The following ARHGAP45 variants were observed in gnomAD, a reference collection of about 807,000 sequenced individuals.
The protein encoded by ARHGAP45 is Rho GTPase activating protein 45.
In ARHGAP45, 56 loss-of-function variants were observed where a neutral mutation model predicts 116.1. The observed-to-expected ratio is 0.48, with a 90% CI of 0.39 to 0.60. The LOEUF is 0.60. Among genes scored for constraint, ARHGAP45 ranks in the 20% least tolerant of loss-of-function variants. ARHGAP45 has a pLI of 0.00. For synonymous variants in ARHGAP45, 866 were observed against 701.7 expected (o/e 1.23, Z -3.70); for missense variants, 1,622 against 1,601.0 (o/e 1.01, Z -0.22).
At position 1,077,486 on chromosome 19, in the gene ARHGAP45, C is replaced by T. The variant is rs144117844; in HGVS notation, c.1186-371C>T. ...TCGCCTCCTGGGTTCAAGCTGTTCGCGATTCTAGTGCCTCAGCCTCCCGAG... is the reference window on the plus strand; with the variant it reads ...TCGCCTCCTGGGTTCAAGCTGTTCGTGATTCTAGTGCCTCAGCCTCCCGAG... On this transcript the variant is annotated intron_variant, in intron 10 of 22. Coordinates refer to ENST00000313093, the MANE Select transcript of ARHGAP45 (RefSeq NM_012292.5). 3.2e-4 allele frequency: 317 copies of T among 996,036 alleles called. 2 individuals are homozygous for T. The South Asian group carries it at 4.0e-3, about 13-fold the overall frequency. The allele number at this position is 996,036 out of a possible 1,614,324, so 61.7% of individuals were successfully genotyped here.
chr19:1,077,352 G>C (rs1337880466), intron 10 of ARHGAP45: 102 of 995,368 alleles, frequency 1.0e-4, no homozygotes, highest in Non-Finnish European at 1.2e-4. Flanking sequence ...CGAGTGTCCT[G>C]TTACGGGTGC....
chr19:1,086,218 C>T lies in ARHGAP45; in HGVS notation c.*212C>T, dbSNP rs1425959503. 6 of 564,530 alleles carry T rather than the reference C, an allele frequency of 1.1e-5. No homozygotes were observed. Among genetic ancestry groups the T allele is most frequent in the African/African-American group, 1.9e-5 (1 of 53,098 alleles). 35.0% of individuals were successfully genotyped at this position (564,530 alleles called of 1,614,324 possible). A position where few individuals can be genotyped will look rare whatever the true frequency, so the allele number is the denominator to read the frequency against. On this transcript the variant is annotated 3_prime_UTR_variant, in exon 23 of 23. Transcript: ENST00000313093. ...GCACAGGACTGTGCCCTGTGCTGTCCCCTGCACCCCGGCTCAGCTGAGCTG... is the reference window on the plus strand; with the variant it reads ...GCACAGGACTGTGCCCTGTGCTGTCTCCTGCACCCCGGCTCAGCTGAGCTG...
At chr19:1,079,639 G>C in intron 11 of ARHGAP45, 64 bp from the exon 12 acceptor site, 1 of 1,572,946 alleles carries the variant, frequency 6.4e-7, no homozygotes, top group Non-Finnish European at 8.6e-7. Context: ...CCTCCCTGAG[G>C]TTTCTGTCTG....
intron 10 of ARHGAP45, among the ~76,000 whole-genome samples, chr19:1,075,215 C>A (rs1194712996): frequency 6.7e-6 from 1 of 150,262 alleles, no homozygotes; most frequent in Non-Finnish European, 1.5e-5. Context: ...ACTGGGAAAG[C>A]GCCATGCTCC....
chr19:1,081,034 C>T lies in ARHGAP45; in HGVS notation c.2160C>T (p.Tyr720=). The part of the protein sequence containing the change: ...TPAKCRECNS[Y]VYFQGAECEE... ...CCAAGTGCCGCGAGTGCAACAGCTA[C>T]GTCTACTTCCAGGGTGCTGAGTGTG... The change falls in exon 17 of 23, where the codon TAC becomes TAT. Residue 720 remains tyrosine (Y), a synonymous_variant. Transcript: ENST00000313093. 1 of 1,609,096 alleles carries T rather than the reference C, an allele frequency of 6.2e-7. No homozygotes were observed. The highest frequency in any genetic ancestry group is 1.1e-5 in the South Asian group (1 of 90,332).
intron 2 of ARHGAP45, among the ~76,000 whole-genome samples, chr19:1,072,717 G>A (rs1318287335): frequency 2.0e-5 from 3 of 152,234 alleles, no homozygotes; most frequent in Admixed American, 6.5e-5. Flanking sequence ...CTGTGTGATT[G>A]TTGAGAAATG....
rs1414982196 is a variant in ARHGAP45 at position 1,083,083 on chromosome 19, G to A, written c.2744+17G>A. 4 of 1,559,852 alleles carry A rather than the reference G, an allele frequency of 2.6e-6. No homozygotes were observed. Among genetic ancestry groups the A allele is most frequent in the Non-Finnish European group, 3.5e-6 (4 of 1,156,880 alleles). ...CCTACGCAGGTGAGTCCCGGCATATGGAGTGGAGGGCGCGGGGTCCCGGGA... is the reference window on the plus strand; with the variant it reads ...CCTACGCAGGTGAGTCCCGGCATATAGAGTGGAGGGCGCGGGGTCCCGGGA... On this transcript the variant is annotated intron_variant, in intron 20 of 22. Coordinates refer to ENST00000313093, the MANE Select transcript of ARHGAP45 (RefSeq NM_012292.5).
intron 1 of ARHGAP45, chr19:1,067,818 G>A (rs879859790): frequency 9.9e-6 from 6 of 604,708 alleles, no homozygotes; most frequent in South Asian, 1.9e-5. Context: ...CAATCTGGGG[G>A]CTCTAGGGGC....
At position 1,068,931 on chromosome 19, in the gene ARHGAP45, C is replaced by T. The variant is rs149447488; in HGVS notation, c.421+187C>T. Among the ~76,000 whole-genome samples the T allele has an allele frequency of 8.6e-5, 13 of 150,406 alleles. No homozygotes were observed. Among genetic ancestry groups the T allele is most frequent in the Non-Finnish European group, 1.5e-4 (10 of 67,728 alleles). ...GGAGTTTGGTGGGGGAGTCCCTGAGCGTACACTGGCTCAAGAGGGTGCCCA... is the reference window on the plus strand; with the variant it reads ...GGAGTTTGGTGGGGGAGTCCCTGAGTGTACACTGGCTCAAGAGGGTGCCCA... On this transcript the variant is annotated intron_variant, in intron 2 of 22. Coordinates refer to ENST00000313093, the MANE Select transcript of ARHGAP45 (RefSeq NM_012292.5). This position sits in a 1 kb window ranked among gnomAD's most constrained non-coding sequence, Gnocchi z 7.5.
At chr19:1,073,455 G>A in intron 3 of ARHGAP45, 51 bp from the exon 4 acceptor site, 1 of 1,586,866 alleles carries the variant, frequency 6.3e-7, no homozygotes, top group Non-Finnish European at 8.6e-7. Context: ...TTGCAGGGAT[G>A]GTCACCTCCC....
Position 1,080,772 on chromosome 19 carries a change from C to T in ARHGAP45, c.2003C>T (p.Ser668Leu). The T allele has an allele frequency of 6.2e-7, 1 of 1,613,416 alleles. No individual in the cohort carries two copies. Among genetic ancestry groups the T allele is most frequent in the Non-Finnish European group, 8.5e-7 (1 of 1,179,968 alleles). Residue 668 changes from serine (S) to leucine (L), a missense_variant, in exon 16 of 23, where the codon TCA becomes TTA. This residue lies in a region of ARHGAP45 where 1,334 missense variants were observed against 1,263.8 expected (regional missense o/e 1.06). Transcript: ENST00000313093. ...LVDPDGGAGA[S>L]AFEQADLNGM... is the part of the protein sequence containing the mutation. ...GACCCAGACGGTGGAGCCGGGGCTTCAGCCTTTGAGCAGGGTGAGGGTCCC... is the reference window on the plus strand; with the variant it reads ...GACCCAGACGGTGGAGCCGGGGCTTTAGCCTTTGAGCAGGGTGAGGGTCCC...
Position 1,082,977 on chromosome 19 carries a change from G to A in ARHGAP45, c.2655G>A (p.Val885=). The stretch of plus-strand genomic sequence containing the variant: ...GCTCGGAGAGCGAGGCAGTGGCGGT[G>A]GCCCTGGCAGGTCGGCTGCGGGAGC... ...QDGSESEAVA[V]ALAGRLRELL... Residue 885 remains valine (V), a synonymous_variant, in exon 20 of 23, where the codon GTG becomes GTA. Coordinates refer to ENST00000313093, the MANE Select transcript of ARHGAP45 (RefSeq NM_012292.5). The A allele has an allele frequency of 6.4e-7, 1 of 1,555,898 alleles. No individual in the cohort carries two copies. The highest frequency in any genetic ancestry group is 8.7e-7 in the Non-Finnish European group (1 of 1,154,920).
At chr19:1,076,781 G>A (rs1027259718) in intron 10 of ARHGAP45, among the ~76,000 whole-genome samples, 1 of 152,046 alleles carries the variant, frequency 6.6e-6, no homozygotes, top group Non-Finnish European at 1.5e-5. Flanking sequence ...ATAGGCATAA[G>A]ACACCGTGCT....
chr19:1,073,111 G>A (rs1404163912), intron 2 of ARHGAP45, 38 bp from the exon 3 acceptor site: 15 of 1,578,272 alleles, frequency 9.5e-6, no homozygotes, highest in Non-Finnish European at 1.1e-5. Context: ...CCTGGGACTG[G>A]GCCCTACCCC....
In ARHGAP45 at chr19:1,068,785, A is replaced by G; in HGVS notation, c.421+41A>G. 6.3e-7 allele frequency: 1 copy of G among 1,581,460 alleles called. No homozygotes were observed. The highest frequency in any genetic ancestry group is 8.7e-7 in the Non-Finnish European group (1 of 1,154,780). ...ACACCGAGGCCTGGGTGGAAGACAG[A>G]GCCAGACCCAAGGGAGGATGGAGGG... On this transcript the variant is annotated intron_variant, in intron 2 of 22. Transcript: ENST00000313093. The surrounding 1 kb of genome is among the most constrained non-coding windows in gnomAD (Gnocchi z 7.5).
In ARHGAP45 at chr19:1,074,081, G is replaced by A. The variant is rs759889591; in HGVS notation, c.791-23G>A. On this transcript the variant is annotated intron_variant, in intron 6 of 22. Coordinates refer to ENST00000313093, the MANE Select transcript of ARHGAP45 (RefSeq NM_012292.5). ...GCCATTGCGCGGGTCGGGCCAGGCT[G>A]AGCAGGCCCCCGTTCCCTGCAGGCT... 1.9e-6 allele frequency: 3 copies of A among 1,608,924 alleles called. No individual in the cohort carries two copies. The East Asian group carries it at 6.7e-5, about 36-fold the overall frequency.
rs113297184 is a variant in ARHGAP45, at chr19:1,085,024, C to G, written c.3065-636C>G. ...TTGAACCGGGGAGGCAGAGGTTGCA[C>G]TGAGCCAAGATCATGGCACTGCACT... On this transcript the variant is annotated intron_variant, in intron 22 of 22. Coordinates refer to ENST00000313093, the MANE Select transcript of ARHGAP45 (RefSeq NM_012292.5). 2.0e-3 allele frequency among the ~76,000 whole-genome samples: 308 copies of G among 152,254 alleles called. 2 individuals carry two copies. Among genetic ancestry groups the G allele is most frequent in the African/African-American group, 6.9e-3 (286 of 41,552 alleles).
Position 1,084,297 on chromosome 19 carries a change from C to CGAGGCGGTGGTCTACCCGCTGCAG in ARHGAP45, c.3023_3046dup (p.Val1008_Ala1015dup). Reference sequence around the variant, plus strand: ...TCCAGGTGCCGTACCTGGAGGCGGGCGAGGCGGTGGTCTACCCGCTGCAGG... The same window carrying CGAGGCGGTGGTCTACCCGCTGCAG: ...TCCAGGTGCCGTACCTGGAGGCGGGCGAGGCGGTGGTCTACCCGCTGCAGGAGGCGGTGGTCTACCCGCTGCAGG... On this transcript the variant is annotated inframe_insertion, in exon 22 of 23. Transcript: ENST00000313093. The CGAGGCGGTGGTCTACCCGCTGCAG allele has an allele frequency of 6.2e-7, 1 of 1,612,522 alleles. No individual in the cohort carries two copies. Among genetic ancestry groups the CGAGGCGGTGGTCTACCCGCTGCAG allele is most frequent in the East Asian group, 2.2e-5 (1 of 44,858 alleles).
intron 17 of ARHGAP45, 52 bp downstream of exon 17, chr19:1,081,116 T>A: frequency 1.3e-6 from 2 of 1,534,688 alleles, no homozygotes; most frequent in Non-Finnish European, 1.8e-6. Flanking sequence ...GCCTTTGGGG[T>A]GCCCAGCACC....
Sources: allele counts gnomAD v4.1 joint callset (sites outside exome capture counted in the v4.1 genomes callset), GRCh38; gene constraint gnomAD v4.1.1; regional missense constraint gnomAD v4.1.1; non-coding constraint Gnocchi (gnomAD v3.1); transcripts MANE v1.5; gene names NCBI Gene and HGNC (gene_info 2026-07-23, HGNC 2026-07-21).